CAMK1D: variants seen among roughly 807,000 people sequenced by gnomAD.
CAMK1D encodes calcium/calmodulin-dependent protein kinase type 1D.
A neutral mutation model predicts 47.7 loss-of-function variants in CAMK1D; 9 were observed. That is an observed-to-expected ratio of 0.19 (90% CI 0.11 to 0.33). CAMK1D has a LOEUF of 0.33. CAMK1D is among the 10% of genes least tolerant of loss of function. The pLI is 1.00. For synonymous variants in CAMK1D, 184 were observed against 184.9 expected (o/e 0.99, Z 0.04); for missense variants, 291 against 488.7 (o/e 0.60, Z 3.81).
intron 1 of CAMK1D, among the ~76,000 whole-genome samples, chr10:12,362,641 G>C (rs1837706753): frequency 6.6e-6 from 1 of 152,100 alleles, no homozygotes; most frequent in Non-Finnish European, 1.5e-5. Context: ...GGGACTACAG[G>C]CGCCCGCCAT....
Position 12,403,011 on chromosome 10 carries a change from C to CT in CAMK1D, c.92+53111dup, listed in dbSNP as rs559070730. Among the ~76,000 whole-genome samples, 287 of 148,474 alleles carry CT rather than the reference C, an allele frequency of 1.9e-3. 1 individual carries two copies. The highest frequency in any genetic ancestry group is 5.5e-3 in the African/African-American group (221 of 40,396). Reference sequence around the variant, plus strand: ...TCCAGGATTATAACCTGCAAGCAGGCTTTTTTTTTTCCTTTTTCCCTTCGG... The same window carrying CT: ...TCCAGGATTATAACCTGCAAGCAGGCTTTTTTTTTTTCCTTTTTCCCTTCGG... On this transcript the variant is annotated intron_variant, in intron 1 of 10. Coordinates refer to ENST00000619168, the MANE Select transcript of CAMK1D (RefSeq NM_153498.4).
chr10:12,777,273 C>G (rs1219656913), intron 5 of CAMK1D, among the ~76,000 whole-genome samples: 1 of 151,882 alleles, frequency 6.6e-6, no homozygotes, highest in African/African-American at 2.4e-5. Context: ...GTGGCGTGCT[C>G]CCCGTCAGAC....
chr10:12,651,016 T>C (rs1270354202), intron 2 of CAMK1D, among the ~76,000 whole-genome samples: 1 of 152,228 alleles, frequency 6.6e-6, no homozygotes, highest in East Asian at 1.9e-4. Flanking sequence ...CGGGGCTTCA[T>C]GAGACTGGGA....
At chr10:12,392,905 C>T (rs955797732) in intron 1 of CAMK1D, among the ~76,000 whole-genome samples, 1 of 135,966 alleles carries the variant, frequency 7.4e-6, no homozygotes, top group African/African-American at 2.6e-5. Context: ...ATTTTTCTTC[C>T]AAATTTTCCT....
chr10:12,748,862 C>G (rs1835800561), intron 3 of CAMK1D, among the ~76,000 whole-genome samples: 1 of 152,168 alleles, frequency 6.6e-6, no homozygotes, highest in African/African-American at 2.4e-5. Context: ...CTTGAACTCA[C>G]TGCAGTGATC....
At chr10:12,739,068 TTCTGCAAAAAATAGAAATATTA>T (rs1835306189) in intron 3 of CAMK1D, among the ~76,000 whole-genome samples, 1 of 151,548 alleles carries the variant, frequency 6.6e-6, no homozygotes, top group East Asian at 2.0e-4. Context: ...GAAACCTCGT[TTCTGCAAAAAATAGAAATATTA>T]GCCAGGCGTG....
intron 1 of CAMK1D, among the ~76,000 whole-genome samples, chr10:12,462,849 C>T (rs546715631): frequency 6.6e-6 from 1 of 152,302 alleles, no homozygotes; most frequent in African/African-American, 2.4e-5. Flanking sequence ...GCATGCACCA[C>T]CATGCCCAGC....
intron 10 of CAMK1D, among the ~76,000 whole-genome samples, chr10:12,827,748 G>T (rs190784542): frequency 6.6e-6 from 1 of 151,176 alleles, no homozygotes; most frequent in East Asian, 2.0e-4. Flanking sequence ...GAGTGCAGTG[G>T]CACAGTCACG....
intron 3 of CAMK1D, among the ~76,000 whole-genome samples, chr10:12,735,557 A>G (rs1320521087): frequency 6.6e-6 from 1 of 152,170 alleles, no homozygotes; most frequent in Admixed American, 6.5e-5. Context: ...TCTCTTCGCC[A>G]CTGCCCTTCG....
At chr10:12,566,592 A>G (rs140613728) in intron 2 of CAMK1D, among the ~76,000 whole-genome samples, 1 of 152,342 alleles carries the variant, frequency 6.6e-6, no homozygotes, top group African/African-American at 2.4e-5. Flanking sequence ...AGATGAGGAA[A>G]GGGGTGCAGA....
At chr10:12,369,689 C>T (rs1430195932) in intron 1 of CAMK1D, among the ~76,000 whole-genome samples, 4 of 151,980 alleles carry the variant, frequency 2.6e-5, no homozygotes, top group Admixed American at 6.6e-5. Flanking sequence ...CCAGGCGTGG[C>T]GGCTCACGCC....
intron 3 of CAMK1D, among the ~76,000 whole-genome samples, chr10:12,748,266 A>G (rs1445786187): frequency 6.6e-6 from 1 of 152,200 alleles, no homozygotes; most frequent in Non-Finnish European, 1.5e-5. Flanking sequence ...AGATTTCTCA[A>G]GGGTCTCTTG....
intron 2 of CAMK1D, among the ~76,000 whole-genome samples, chr10:12,615,987 C>T (rs757741643): frequency 8.0e-5 from 12 of 149,370 alleles, no homozygotes; most frequent in African/African-American, 2.5e-4. Context: ...TGTGTTGTGT[C>T]TGTATAGGTG....
intron 1 of CAMK1D, among the ~76,000 whole-genome samples, chr10:12,367,687 G>T (rs1310182045): frequency 6.6e-6 from 1 of 152,098 alleles, no homozygotes; most frequent in Admixed American, 6.6e-5. Context: ...GTTCACAACA[G>T]GGCTTGTGTT....
intron 6 of CAMK1D, among the ~76,000 whole-genome samples, chr10:12,813,893 C>T (rs1047213803): frequency 6.6e-6 from 1 of 151,818 alleles, no homozygotes; most frequent in South Asian, 2.1e-4. Flanking sequence ...CCACCTCAGC[C>T]TCCCAAGTAG....
chr10:12,773,096 C>G (rs1417117020), intron 5 of CAMK1D, among the ~76,000 whole-genome samples: 1 of 152,204 alleles, frequency 6.6e-6, no homozygotes, highest in Non-Finnish European at 1.5e-5. Flanking sequence ...ATGGTGTGAT[C>G]ACATTGCATT....
intron 3 of CAMK1D, among the ~76,000 whole-genome samples, chr10:12,693,356 C>G (rs1833008037): frequency 6.6e-6 from 1 of 151,990 alleles, no homozygotes; most frequent in Non-Finnish European, 1.5e-5. Context: ...CAGAGCGAGA[C>G]TCCATCTCTA....
At chr10:12,824,350 C>A in intron 8 of CAMK1D, 115 bp from the exon 9 acceptor site, 2 of 840,400 alleles carry the variant, frequency 2.4e-6, no homozygotes, top group East Asian at 2.6e-5. Flanking sequence ...GGCCAGCCAC[C>A]CTGTCCACGA....
At chr10:12,628,250 T>C (rs1839282335) in intron 2 of CAMK1D, among the ~76,000 whole-genome samples, 2 of 152,312 alleles carry the variant, frequency 1.3e-5, no homozygotes, top group African/African-American at 2.4e-5. Context: ...TTGGCACATA[T>C]GTGTTTAACT....
Sources: gnomAD v4.1 joint callset for allele counts (sites outside exome capture counted in the v4.1 genomes callset) on GRCh38, gnomAD v4.1.1 for gene constraint, MANE v1.5 for transcripts, NCBI Gene and HGNC (gene_info 2026-07-23, HGNC 2026-07-21) for gene names.